Variants in ADAM19 observed in about 807,000 individuals in gnomAD.
The protein encoded by ADAM19 is disintegrin and metalloproteinase domain-containing protein 19.
A neutral mutation model predicts 114.7 loss-of-function variants in ADAM19; 65 were observed. The ratio of observed to expected loss-of-function variants is 0.57; its 90% CI spans 0.46 to 0.70. The LOEUF is 0.70. Among genes scored for constraint, ADAM19 ranks in the 30% least tolerant of loss-of-function variants. The pLI is 0.00. For synonymous variants in ADAM19, 466 were observed against 460.5 expected (o/e 1.01, Z -0.15); for missense variants, 1,063 against 1,204.7 (o/e 0.88, Z 1.74).
intron 1 of ADAM19, among the ~76,000 whole-genome samples, chr5:157,574,872 C>A (rs576174850): frequency 2.0e-5 from 3 of 152,224 alleles, no homozygotes; most frequent in Admixed American, 2.0e-4. Context: ...CCAAAGAAGG[C>A]GGCCGTCGGG....
At chr5:157,521,698 A>C (rs1756290600) in intron 5 of ADAM19, among the ~76,000 whole-genome samples, 1 of 152,196 alleles carries the variant, frequency 6.6e-6, no homozygotes, top group Non-Finnish European at 1.5e-5. Flanking sequence ...GTACTCCCTG[A>C]ACATCTGGGG....
Position 157,494,814 on chromosome 5 carries a change from T to G in ADAM19, c.1595-19A>C. The G allele has an allele frequency of 6.2e-7, 1 of 1,600,396 alleles. No homozygotes were observed. The highest frequency in any genetic ancestry group is 1.1e-5 in the South Asian group (1 of 90,782). On this transcript the variant is annotated intron_variant, in intron 14 of 22. Coordinates refer to ENST00000257527, the MANE Select transcript of ADAM19 (RefSeq NM_033274.5). ...CGGGCTCCTGGGTGGGCAAGCAACA[T>G]CTATCAGTATACTCATCTGTCAGAA...
At chr5:157,563,648 A>G (rs556027693) in intron 3 of ADAM19, among the ~76,000 whole-genome samples, 1 of 152,310 alleles carries the variant, frequency 6.6e-6, no homozygotes, top group Non-Finnish European at 1.5e-5. Context: ...ATGTTTTCAG[A>G]GTCCCCCGGC....
At chr5:157,551,412 CAA>C (rs58612508) in intron 3 of ADAM19, among the ~76,000 whole-genome samples, 4 of 118,256 alleles carry the variant, frequency 3.4e-5, no homozygotes, top group Non-Finnish European at 5.0e-5. Context: ...CCCCCAACCC[CAA>C]AAAAAAAAAA....
Position 157,520,086 on chromosome 5 carries a change from C to G in ADAM19, c.408-55G>C, listed in dbSNP as rs897046231. ...CAAAGATTATGGTTCTGAAAAAGTC[C>G]CTTGTGTAGGTCTTAGTTTCTCCAT... On this transcript the variant is annotated intron_variant, in intron 5 of 22. Transcript: ENST00000257527. 15 of 1,536,460 alleles carry G rather than the reference C, an allele frequency of 9.8e-6. No homozygotes were observed. In the African/African-American group the frequency reaches 1.8e-4, roughly 18 times the overall value.
chr5:157,507,612 C>A (rs944769923), intron 9 of ADAM19, among the ~76,000 whole-genome samples: 1 of 152,122 alleles, frequency 6.6e-6, no homozygotes. Flanking sequence ...GTGGGGGCAT[C>A]GGGGCAGCAG....
chr5:157,518,973 A>T, intron 6 of ADAM19, 85 bp from the exon 7 acceptor site: 3 of 1,112,462 alleles, frequency 2.7e-6, no homozygotes, highest in Non-Finnish European at 4.1e-6. Context: ...GAGCTGCTGG[A>T]TAAGCAGCAG....
Position 157,496,970 on chromosome 5 carries a change from A to G in ADAM19, c.1518T>C (p.Cys506=). Residue 506 remains cysteine (C), a synonymous_variant, in exon 14 of 23, where the codon TGT becomes TGC. Transcript: ENST00000257527. ...TGTAGCAGTAGGCCTGGCCGCCCTC[A>G]CAGGGGGTACCATCCATCTGGTAGA... is the stretch of plus-strand genomic sequence containing the variant. ...TNFYQMDGTP[C]EGGQAYCYNG... The G allele has an allele frequency of 6.3e-7, 1 of 1,598,604 alleles. No homozygotes were observed.
intron 8 of ADAM19, among the ~76,000 whole-genome samples, chr5:157,510,937 G>A (rs180710917): frequency 1.0e-3 from 152 of 152,278 alleles, no homozygotes; most frequent in Non-Finnish European, 1.7e-3. Flanking sequence ...GAATAAGCAG[G>A]TTGCAAGCAA....
chr5:157,493,478 C>T (rs558944493), intron 15 of ADAM19, among the ~76,000 whole-genome samples: 1 of 152,300 alleles, frequency 6.6e-6, no homozygotes, highest in South Asian at 2.1e-4. Flanking sequence ...GCCCCTTATA[C>T]CGCTGTCCAC....
chr5:157,506,565 T>C (rs921051627), intron 10 of ADAM19, among the ~76,000 whole-genome samples: 2 of 152,224 alleles, frequency 1.3e-5, no homozygotes, highest in Admixed American at 6.5e-5. Context: ...GACAAATAGA[T>C]GAAGACAAGT....
chr5:157,524,510 G>C (rs528469198), intron 5 of ADAM19, among the ~76,000 whole-genome samples: 3 of 152,344 alleles, frequency 2.0e-5, no homozygotes, highest in Middle Eastern at 6.8e-3. Flanking sequence ...CTGGGGACTT[G>C]TCCATTCAGA....
chr5:157,495,913 C>T (rs374392927), intron 14 of ADAM19, among the ~76,000 whole-genome samples: 1 of 144,634 alleles, frequency 6.9e-6, no homozygotes, highest in Non-Finnish European at 1.5e-5. Flanking sequence ...GGATTACAGG[C>T]GTGAGCCACT....
chr5:157,535,392 C>T (rs188195103), intron 4 of ADAM19, among the ~76,000 whole-genome samples: 1,723 of 152,346 alleles, frequency 0.011, 16 homozygotes, highest in Non-Finnish European at 0.019. Flanking sequence ...TAGTAGAGTG[C>T]AGTCTCCAAC....
intron 16 of ADAM19, 110 bp from the exon 17 acceptor site, chr5:157,492,022 T>G: frequency 9.9e-7 from 1 of 1,014,382 alleles, no homozygotes; most frequent in Non-Finnish European, 1.5e-6. Context: ...CCCGGCCTGG[T>G]GGCTCACGCC....
At chr5:157,484,381 G>A (rs1226330364) in intron 21 of ADAM19, among the ~76,000 whole-genome samples, 1 of 152,138 alleles carries the variant, frequency 6.6e-6, no homozygotes, top group Non-Finnish European at 1.5e-5. Flanking sequence ...TACAGTAGGT[G>A]CTCAACACGT....
chr5:157,537,258 T>C (rs911019903), intron 4 of ADAM19, among the ~76,000 whole-genome samples: 1 of 152,214 alleles, frequency 6.6e-6, no homozygotes, highest in Non-Finnish European at 1.5e-5. Context: ...CTAGCCACCA[T>C]GAAATGTGTA....
intron 13 of ADAM19, 83 bp downstream of exon 13, chr5:157,499,490 C>T: frequency 8.2e-7 from 1 of 1,225,944 alleles, no homozygotes; most frequent in Non-Finnish European, 1.2e-6. Context: ...GGAGGCAAAT[C>T]CCCAGCCATC....
chr5:157,519,010 G>T, intron 6 of ADAM19, 122 bp from the exon 7 acceptor site: 1 of 814,336 alleles, frequency 1.2e-6, no homozygotes, highest in Non-Finnish European at 2.1e-6. Flanking sequence ...TTTGTCATTC[G>T]GCACTAGAGA....
Sources: gnomAD v4.1 joint callset for allele counts (sites outside exome capture counted in the v4.1 genomes callset) on GRCh38, gnomAD v4.1.1 for gene constraint, MANE v1.5 for transcripts, NCBI Gene and HGNC (gene_info 2026-07-23, HGNC 2026-07-21) for gene names.